C14orf39: variants seen among roughly 807,000 people sequenced by gnomAD.
The protein encoded by C14orf39 is protein SIX6OS1.
In C14orf39, 66 loss-of-function variants were observed where a neutral mutation model predicts 85.6. That is an observed-to-expected ratio of 0.77 (90% CI 0.63 to 0.95). The LOEUF (loss-of-function observed/expected upper bound fraction) is 0.95. Ranked by LOEUF, C14orf39 falls within the 40% of genes least tolerant of loss-of-function variation. The pLI is 0.00. For synonymous variants in C14orf39, 242 were observed against 214.0 expected, an observed-to-expected ratio of 1.13 and a Z score of -1.14; for missense variants, 735 against 663.9, an observed-to-expected ratio of 1.11 and a Z score of -1.18.
chr14:60,506,664 G>C (rs1010070863), intron 1 of C14orf39, among the ~76,000 whole-genome samples: 1 of 152,166 alleles, frequency 6.6e-6, no homozygotes, highest in Non-Finnish European at 1.5e-5. Context: ...TCTCCTGATA[G>C]TAGTCCCCAA....
chr14:60,445,304 C>CT (rs1238703293), intron 16 of C14orf39, among the ~76,000 whole-genome samples: 1 of 152,164 alleles, frequency 6.6e-6, no homozygotes, highest in East Asian at 1.9e-4. Flanking sequence ...CATCACTGTG[C>CT]TGTATTCAGG....
chr14:60,478,868 A>C (rs1160754325), intron 4 of C14orf39, among the ~76,000 whole-genome samples: 1 of 152,156 alleles, frequency 6.6e-6, no homozygotes, highest in African/African-American at 2.4e-5. Flanking sequence ...CAAAAAAAAG[A>C]GAAACCAGAG....
At position 60,436,824 on chromosome 14, in the gene C14orf39, T is replaced by A. The variant is rs776996729; in HGVS notation, c.*21A>T. On this transcript the variant is annotated 3_prime_UTR_variant, in exon 18 of 18. Transcript: ENST00000321731. ...TCATGAACACAGAACAGTAAAATAA[T>A]TTAAGGAATTAATGACTAGCTCAAA... is the stretch of plus-strand genomic sequence containing the variant. 4 of 1,526,400 alleles carry A rather than the reference T, an allele frequency of 2.6e-6. No individual in the cohort carries two copies. Among genetic ancestry groups the A allele is most frequent in the Admixed American group, 3.5e-5 (2 of 56,602 alleles). 94.6% of individuals were successfully genotyped at this position (1,526,400 alleles called of 1,614,324 possible).
At chr14:60,474,353 C>T (rs10143212) in intron 5 of C14orf39, among the ~76,000 whole-genome samples, 117,474 of 143,568 alleles carry the variant, frequency 0.82, 49,760 homozygotes, top group Non-Finnish European at 0.92. Flanking sequence ...CAAACAGGGA[C>T]AATTTGACTT....
intron 16 of C14orf39, among the ~76,000 whole-genome samples, chr14:60,451,216 T>C (rs1034040840): frequency 1.3e-5 from 2 of 151,946 alleles, no homozygotes; most frequent in Non-Finnish European, 2.9e-5. Flanking sequence ...TGTGGAGAAA[T>C]AGGAACACTT....
In C14orf39 at chr14:60,498,190, C is replaced by T. The variant is rs527973470; in HGVS notation, c.-9+1106G>A. On this transcript the variant is annotated intron_variant, in intron 2 of 5. Coordinates refer to the C14orf39 transcript ENST00000556799. ...AATTTCTTATACAGATTTTGTTTTC[C>T]CTGGAGTTTCTAATTGCACTTCTAT... 2.0e-5 allele frequency among the ~76,000 whole-genome samples: 3 copies of T among 151,840 alleles called. No individual in the cohort carries two copies. The South Asian group carries it at 6.2e-4, about 32-fold the overall frequency.
At chr14:60,464,718 C>T (rs1160155781) in intron 11 of C14orf39, among the ~76,000 whole-genome samples, 3 of 151,904 alleles carry the variant, frequency 2.0e-5, no homozygotes, top group East Asian at 1.9e-4. Context: ...TTTTTTCAGC[C>T]TCAATGTCAA....
intron 2 of C14orf39, chr14:60,494,096 G>T: frequency 3.2e-6 from 1 of 312,736 alleles, no homozygotes; most frequent in South Asian, 4.1e-5. Context: ...TGAGCATGCT[G>T]ATGTACTGGT....
At chr14:60,477,899 G>C (rs953052779) in intron 5 of C14orf39, among the ~76,000 whole-genome samples, 4 of 152,054 alleles carry the variant, frequency 2.6e-5, no homozygotes, top group Non-Finnish European at 4.4e-5. Flanking sequence ...AAAACTCCTG[G>C]CTGGGCATGG....
intron 1 of C14orf39, among the ~76,000 whole-genome samples, chr14:60,504,129 G>C (rs1304834664): frequency 6.6e-6 from 1 of 152,196 alleles, no homozygotes; most frequent in African/African-American, 2.4e-5. Context: ...GAAACAGCGG[G>C]AGGGAAACAA....
rs201373650 is a variant in C14orf39 at position 60,436,862 on chromosome 14, G to T, written c.1747C>A (p.Gln583Lys). ...TGACTAGCTCAAAAAAAAGTAAACT[G>T]TGTTGTATTTTGTGAGGAAGATGAA... is the stretch of plus-strand genomic sequence containing the variant. ...GFSSSSQNTT[Q>K]FTFF Residue 583 changes from glutamine (Q) to lysine (K), a missense_variant, in exon 18 of 18, where the codon CAG becomes AAG. Coordinates refer to ENST00000321731, the MANE Select transcript of C14orf39 (RefSeq NM_174978.3). 1 of 1,608,384 alleles carries T rather than the reference G, an allele frequency of 6.2e-7. No homozygotes were observed. The highest frequency in any genetic ancestry group is 2.2e-5 in the East Asian group (1 of 44,652).
At chr14:60,441,819 T>C (rs1021480688) in intron 17 of C14orf39, among the ~76,000 whole-genome samples, 2 of 152,150 alleles carry the variant, frequency 1.3e-5, no homozygotes, top group Admixed American at 6.6e-5. Flanking sequence ...AGAGTCTTAA[T>C]ATGATAATAA....
chr14:60,483,446 C>T (rs1892733561), intron 4 of C14orf39, among the ~76,000 whole-genome samples: 1 of 152,136 alleles, frequency 6.6e-6, no homozygotes, highest in Admixed American at 6.5e-5. Flanking sequence ...ATTTTATATA[C>T]TGAGCTTATT....
intron 14 of C14orf39, 46 bp from the exon 15 acceptor site, chr14:60,457,141 A>ATTTGTT: frequency 8.0e-7 from 1 of 1,254,460 alleles, no homozygotes; most frequent in Non-Finnish European, 1.1e-6. Context: ...ATGCTGCTGC[A>ATTTGTT]TTAATGACAT....
intron 16 of C14orf39, among the ~76,000 whole-genome samples, chr14:60,449,580 T>C (rs1408858662): frequency 1.3e-5 from 2 of 152,206 alleles, no homozygotes; most frequent in East Asian, 3.8e-4. Flanking sequence ...TTTCATAATA[T>C]TTAGGATTTA....
At chr14:60,493,533 T>C (rs965454) in intron 2 of C14orf39, among the ~76,000 whole-genome samples, 122,689 of 152,192 alleles carry the variant, frequency 0.81, 51,208 homozygotes, top group Non-Finnish European at 0.91. Context: ...AAAGTTTCTA[T>C]GTGTACTTTG....
intron 7 of C14orf39, among the ~76,000 whole-genome samples, chr14:60,470,420 T>G (rs2140119358): frequency 6.6e-6 from 1 of 152,006 alleles, no homozygotes; most frequent in Non-Finnish European, 1.5e-5. Flanking sequence ...ATATAAAATT[T>G]CAAGTGAATC....
chr14:60,509,549 G>T, intron 1 of C14orf39: 1 of 1,611,102 alleles, frequency 6.2e-7, no homozygotes. Context: ...CAACAAGAAT[G>T]AGTCGGTGCT....
rs562604953 is a variant in C14orf39, at chr14:60,438,526, T to A, written c.1562-1479A>T. Among the ~76,000 whole-genome samples, 135 of 152,280 alleles carry A rather than the reference T, an allele frequency of 8.9e-4. 1 individual carries two copies. The highest frequency in any genetic ancestry group is 2.1e-3 in the South Asian group (10 of 4,826). ...TGATCACTGTAAATAAAAGAACACA[T>A]TACTGTGCAAGGCAGCATTATAGGT... On this transcript the variant is annotated intron_variant, in intron 17 of 17. Coordinates refer to ENST00000321731, the MANE Select transcript of C14orf39 (RefSeq NM_174978.3).
Sources: gnomAD v4.1 joint callset for allele counts (sites outside exome capture counted in the v4.1 genomes callset) on GRCh38, gnomAD v4.1.1 for gene constraint, MANE v1.5 for transcripts, NCBI Gene and HGNC (gene_info 2026-07-23, HGNC 2026-07-21) for gene names.